Variants in WWOX observed in about 807,000 individuals in gnomAD.
WWOX encodes WW domain containing oxidoreductase, also known as WW domain-containing oxidoreductase.
Under a neutral mutation model 46.2 loss-of-function variants are expected in WWOX, and 69 were observed. The observed-to-expected ratio is 1.49, with a 90% CI of 1.23 to 1.82. The LOEUF (loss-of-function observed/expected upper bound fraction) is 1.82. Among genes scored for constraint, WWOX ranks in the 40% most tolerant of loss-of-function variants. The pLI is 0.00. For synonymous variants in WWOX, 359 were observed against 202.6 expected (o/e 1.77, Z -6.56); for missense variants, 919 against 542.6 (o/e 1.69, Z -6.89).
intron 8 of WWOX, among the ~76,000 whole-genome samples, chr16:78,690,817 G>C (rs185503021): frequency 1.3e-5 from 2 of 152,260 alleles, no homozygotes; most frequent in Non-Finnish European, 2.9e-5. Context: ...TGGCATATGC[G>C]TATGTTTCAA....
chr16:79,116,055 C>T (rs2049509614), intron 8 of WWOX, among the ~76,000 whole-genome samples: 1 of 152,122 alleles, frequency 6.6e-6, no homozygotes, highest in African/African-American at 2.4e-5. Context: ...TGTACAATAG[C>T]ATTGTAAGAA....
intron 8 of WWOX, among the ~76,000 whole-genome samples, chr16:79,096,979 G>A (rs768076530): frequency 1.3e-5 from 2 of 152,080 alleles, no homozygotes; most frequent in African/African-American, 4.8e-5. Flanking sequence ...CCAGGAAGGG[G>A]GCATGCTGTC....
At chr16:78,514,454 G>C (rs953557775) in intron 8 of WWOX, among the ~76,000 whole-genome samples, 9 of 152,174 alleles carry the variant, frequency 5.9e-5, no homozygotes, top group African/African-American at 2.2e-4. Context: ...ATGTGTGGAG[G>C]TAAAAGCAGT....
At chr16:78,144,474 T>TACACAC (rs2034118136) in intron 4 of WWOX, among the ~76,000 whole-genome samples, 6 of 34,474 alleles carry the variant, frequency 1.7e-4, no homozygotes, top group African/African-American at 2.7e-4. Context: ...CACACATATA[T>TACACAC]ATATATATAT....
At chr16:78,655,102 C>T (rs151282765) in intron 8 of WWOX, among the ~76,000 whole-genome samples, 4 of 152,184 alleles carry the variant, frequency 2.6e-5, no homozygotes, top group African/African-American at 9.6e-5. Context: ...TCCTTATCAA[C>T]CGTATTTTAC....
chr16:78,743,030 C>T (rs1441427678), intron 8 of WWOX, among the ~76,000 whole-genome samples: 3 of 142,494 alleles, frequency 2.1e-5, no homozygotes, highest in African/African-American at 3.1e-5. Context: ...TTACTGCAGC[C>T]GGGAGGTTAG....
At chr16:78,315,822 T>TA (rs961507560) in intron 5 of WWOX, among the ~76,000 whole-genome samples, 45 of 151,328 alleles carry the variant, frequency 3.0e-4, no homozygotes, top group Admixed American at 1.9e-3. Context: ...TCCATTAGTT[T>TA]AAAAAAAAAT....
chr16:78,789,534 T>C (rs2737305), intron 8 of WWOX, among the ~76,000 whole-genome samples: 111,073 of 151,952 alleles, frequency 0.73, 40,692 homozygotes, highest in East Asian at 0.8. Flanking sequence ...CATTGCCACA[T>C]TGTTTTGGTT....
intron 8 of WWOX, among the ~76,000 whole-genome samples, chr16:78,647,075 C>G (rs777564476): frequency 1.3e-5 from 2 of 152,128 alleles, no homozygotes; most frequent in Non-Finnish European, 2.9e-5. Context: ...AACTTCCTTC[C>G]CCGATGATGG....
chr16:79,017,743 G>C (rs2047446835), intron 8 of WWOX, among the ~76,000 whole-genome samples: 1 of 151,644 alleles, frequency 6.6e-6, no homozygotes, highest in Non-Finnish European at 1.5e-5. Context: ...AAAAGCCATG[G>C]GTTATTTTGT....
At chr16:79,185,366 A>G in intron 8 of WWOX, among the ~76,000 whole-genome samples, 1 of 152,026 alleles carries the variant, frequency 6.6e-6, no homozygotes. Context: ...ACCTCTACTT[A>G]TTTACAGTTT....
chr16:78,374,033 C>T (rs765454682), intron 5 of WWOX, among the ~76,000 whole-genome samples: 34 of 152,208 alleles, frequency 2.2e-4, no homozygotes, highest in Non-Finnish European at 2.1e-4. Context: ...GTGGTCTGCC[C>T]GCCTTGGCCT....
chr16:78,452,847 A>G (rs191477697), intron 8 of WWOX, among the ~76,000 whole-genome samples: 13 of 149,256 alleles, frequency 8.7e-5, no homozygotes, highest in Non-Finnish European at 1.3e-4. Flanking sequence ...TATGGCTGCT[A>G]TTGTTTTCCA....
chr16:78,472,453 C>A (rs1396681944), intron 8 of WWOX, among the ~76,000 whole-genome samples: 2 of 152,084 alleles, frequency 1.3e-5, no homozygotes, highest in Non-Finnish European at 2.9e-5. Context: ...AAACTAATTT[C>A]TCTTGCTTTT....
At chr16:78,347,813 T>C (rs1485613375) in intron 5 of WWOX, among the ~76,000 whole-genome samples, 2 of 122,224 alleles carry the variant, frequency 1.6e-5, no homozygotes, top group South Asian at 2.4e-4. Context: ...TTTTTTCTTA[T>C]CTCTACTTAA....
intron 8 of WWOX, among the ~76,000 whole-genome samples, chr16:78,894,020 T>TATTATTA (rs1555561423): frequency 7.1e-6 from 1 of 140,080 alleles, no homozygotes; most frequent in Admixed American, 7.4e-5. Context: ...TATTGAGGCT[T>TATTATTA]TTATTATTAT....
intron 8 of WWOX, among the ~76,000 whole-genome samples, chr16:78,765,782 T>C (rs2049912313): frequency 6.6e-6 from 1 of 151,994 alleles, no homozygotes; most frequent in African/African-American, 2.4e-5. Context: ...GAGGCAAAAA[T>C]CACAACCTCT....
At chr16:78,311,452 A>G (rs1288636280) in intron 5 of WWOX, among the ~76,000 whole-genome samples, 3 of 152,258 alleles carry the variant, frequency 2.0e-5, no homozygotes, top group Non-Finnish European at 1.5e-5. Flanking sequence ...CTTCACCCCC[A>G]GGAGCACTGA....
At chr16:78,409,400 C>G (rs904037765) in intron 6 of WWOX, among the ~76,000 whole-genome samples, 2 of 152,056 alleles carry the variant, frequency 1.3e-5, no homozygotes, top group African/African-American at 4.8e-5. Flanking sequence ...CCCTGGGAAC[C>G]ATTGATCTTT....
Sources: allele counts gnomAD v4.1 joint callset (sites outside exome capture counted in the v4.1 genomes callset), GRCh38; gene constraint gnomAD v4.1.1; transcripts MANE v1.5; gene names NCBI Gene and HGNC (gene_info 2026-07-23, HGNC 2026-07-21).